Variants in PIK3C2B observed in about 807,000 individuals in gnomAD.
The protein encoded by PIK3C2B is phosphatidylinositol-4-phosphate 3-kinase catalytic subunit type 2 beta, also known as phosphatidylinositol 4-phosphate 3-kinase C2 domain-containing subunit beta.
A neutral mutation model predicts 184.3 loss-of-function variants in PIK3C2B; 83 were observed. The observed-to-expected ratio is 0.45, with a 90% CI of 0.38 to 0.54. PIK3C2B has a LOEUF of 0.54. PIK3C2B is among the 20% of genes least tolerant of loss of function. The pLI, the probability that PIK3C2B is intolerant of heterozygous loss-of-function variation, is 0.00. For synonymous variants in PIK3C2B, 779 were observed against 837.6 expected, an observed-to-expected ratio of 0.93 and a Z score of 1.21; for missense variants, 1,736 against 2,113.5, an observed-to-expected ratio of 0.82 and a Z score of 3.50.
chr1:204,477,316 T>G (rs1422585253), intron 1 of PIK3C2B, among the ~76,000 whole-genome samples: 1 of 152,170 alleles, frequency 6.6e-6, no homozygotes, highest in Admixed American at 6.5e-5. Flanking sequence ...GCAGCCAGGT[T>G]TGACCCCACA....
In PIK3C2B at chr1:204,433,444, A is replaced by G. The variant is rs1447166490; in HGVS notation, c.3844-19T>C. The G allele has an allele frequency of 4.9e-6, 7 of 1,431,658 alleles. No homozygotes were observed. The highest frequency in any genetic ancestry group is 6.9e-6 in the Non-Finnish European group (7 of 1,015,032). The allele number at this position is 1,431,658 out of a possible 1,614,324, so 88.7% of individuals were successfully genotyped here. On this transcript the variant is annotated intron_variant, in intron 25 of 32. Coordinates refer to ENST00000684373, the MANE Select transcript of PIK3C2B (RefSeq NM_001377334.1). The surrounding 1 kb of genome is among the most constrained non-coding windows in gnomAD (Gnocchi z 5.0). ...ACAACATCTAGAAGGAGCAGAAAGAAGAAGAGAGGGTGCCTGTAACAACAG... is the reference window on the plus strand; with the variant it reads ...ACAACATCTAGAAGGAGCAGAAAGAGGAAGAGAGGGTGCCTGTAACAACAG...
Position 204,446,202 on chromosome 1 carries a change from C to T in PIK3C2B, c.2490-58G>A, listed in dbSNP as rs144967051. On this transcript the variant is annotated intron_variant, in intron 15 of 32. Coordinates refer to ENST00000684373, the MANE Select transcript of PIK3C2B (RefSeq NM_001377334.1). ...GAGGGTAGGGGGCAGTGAGAGAGAA[C>T]AGCATCAGCCAGGGGGTGCAGCCCT... The T allele has an allele frequency of 3.8e-3, 4,607 of 1,225,824 alleles. 17 individuals carry two copies. Among genetic ancestry groups the T allele is most frequent in the Middle Eastern group, 7.3e-3 (25 of 3,436 alleles). The allele number at this position is 1,225,824 out of a possible 1,614,324, so 75.9% of individuals were successfully genotyped here.
chr1:204,452,039 G>A (rs1259806888), intron 12 of PIK3C2B, among the ~76,000 whole-genome samples: 1 of 152,178 alleles, frequency 6.6e-6, no homozygotes, highest in Non-Finnish European at 1.5e-5. Flanking sequence ...TCCCCCAAAT[G>A]TCCTGGTCTT....
Position 204,443,446 on chromosome 1 carries a change from C to T in PIK3C2B, c.3019G>A (p.Val1007Ile). The change falls in exon 19 of 33, where the codon GTC becomes ATC. Residue 1007 changes from valine (V) to isoleucine (I), a missense_variant. Transcript: ENST00000684373. ...VNALAKLAQQ[V>I]REAAPSARQG... ...CTTGCAGATGGGGCTGCCTCCCGGA[C>T]CTGCTGGGCCAGTTTGGCCAGGGCA... The T allele has an allele frequency of 6.2e-7, 1 of 1,614,174 alleles. No homozygotes were observed. Among genetic ancestry groups the T allele is most frequent in the South Asian group, 1.1e-5 (1 of 91,088 alleles).
chr1:204,443,599 T>C lies in PIK3C2B; in HGVS notation c.2868-2A>G. On this transcript the variant is annotated splice_acceptor_variant, in intron 18 of 32. Transcript: ENST00000684373. LOFTEE classifies it high-confidence loss of function. The stretch of plus-strand genomic sequence containing the variant: ...TCCTTGAGGCCGTCCTTCAGTAACC[T>C]GCAAGGCAGAGGGAGTCAGGAGTCA... 1 of 1,613,750 alleles carries C rather than the reference T, an allele frequency of 6.2e-7. No individual in the cohort carries two copies.
chr1:204,440,449 T>G (rs2103479521), intron 21 of PIK3C2B, 128 bp from the exon 22 acceptor site: 3 of 923,120 alleles, frequency 3.2e-6, no homozygotes, highest in South Asian at 1.8e-5. Flanking sequence ...ACCCCTGACC[T>G]GCTCACTCAG....
Position 204,428,206 on chromosome 1 carries a change from G to C in PIK3C2B, c.4413C>G (p.Tyr1471Ter). The C allele has an allele frequency of 6.2e-7, 1 of 1,610,396 alleles. No individual in the cohort carries two copies. Among genetic ancestry groups the C allele is most frequent in the South Asian group, 1.1e-5 (1 of 90,878 alleles). ...CCCGGGGCAGTGGGTGGAAGAAGGTGTACACCAAATCACACTGGAACAGAA... is the reference window on the plus strand; with the variant it reads ...CCCGGGGCAGTGGGTGGAAGAAGGTCTACACCAAATCACACTGGAACAGAA... ...PPEVAECDLV[Y>*]TFFHPLPRDE... The change falls in exon 30 of 33, where the codon TAC becomes TAG. Residue 1471 changes from tyrosine (Y) to a stop codon, truncating the protein, a stop_gained. Coordinates refer to ENST00000684373, the MANE Select transcript of PIK3C2B (RefSeq NM_001377334.1). LOFTEE classifies it high-confidence loss of function.
Position 204,425,598 on chromosome 1 carries a change from A to AT in PIK3C2B, c.4716+14dup. ...TTGCCAACCCCTGCCCTACCCCACC[A>AT]TTTTCCCCACCCACCATCTCATTGT... is the stretch of plus-strand genomic sequence containing the variant. On this transcript the variant is annotated intron_variant, in intron 32 of 32. Coordinates refer to ENST00000684373, the MANE Select transcript of PIK3C2B (RefSeq NM_001377334.1). 1 of 1,613,094 alleles carries AT rather than the reference A, an allele frequency of 6.2e-7. No individual in the cohort carries two copies. Among genetic ancestry groups the AT allele is most frequent in the South Asian group, 1.1e-5 (1 of 91,030 alleles).
Position 204,465,232 on chromosome 1 carries a change from G to A in PIK3C2B, c.1021C>T (p.His341Tyr). The change falls in exon 3 of 33, where the codon CAC becomes TAC. Residue 341 changes from histidine (H) to tyrosine (Y), a missense_variant. His to Tyr is a moderately conservative substitution (Grantham distance 83). Transcript: ENST00000684373. ...ERDEEVAAFC[H>Y]MLDILRSGSD... ...TTTAACTCTTACATATCCAGCATGT[G>A]GCAAAATGCAGCAACCTCCTCATCT... The A allele has an allele frequency of 2.6e-6, 4 of 1,544,772 alleles. No homozygotes were observed. Among genetic ancestry groups the A allele is most frequent in the Non-Finnish European group, 3.5e-6 (4 of 1,132,690 alleles).
At chr1:204,465,893 C>T (rs567665133) in intron 2 of PIK3C2B, among the ~76,000 whole-genome samples, 1 of 152,324 alleles carries the variant, frequency 6.6e-6, no homozygotes, top group East Asian at 1.9e-4. Flanking sequence ...AGGAAGAAAG[C>T]GTCAAAGCAG....
intron 23 of PIK3C2B, among the ~76,000 whole-genome samples, chr1:204,436,760 A>C (rs1450465227): frequency 6.6e-6 from 1 of 152,174 alleles, no homozygotes; most frequent in African/African-American, 2.4e-5. Flanking sequence ...ATTGGCAGGG[A>C]GTAATCACAA....
intron 12 of PIK3C2B, among the ~76,000 whole-genome samples, chr1:204,450,308 T>C (rs1468500093): frequency 6.6e-6 from 1 of 152,192 alleles, no homozygotes; most frequent in African/African-American, 2.4e-5. Context: ...AGAACTTGCT[T>C]AGCAGAGCCA....
chr1:204,440,576 C>T (rs145531820), intron 21 of PIK3C2B, among the ~76,000 whole-genome samples: 3 of 148,744 alleles, frequency 2.0e-5, no homozygotes, highest in Non-Finnish European at 4.4e-5. Context: ...CTTCTGCATG[C>T]AGCCCCTCTG....
chr1:204,443,397 G>A lies in PIK3C2B; in HGVS notation c.3048+20C>T. The A allele has an allele frequency of 1.9e-6, 3 of 1,607,300 alleles. No homozygotes were observed. Among genetic ancestry groups the A allele is most frequent in the Non-Finnish European group, 2.6e-6 (3 of 1,174,790 alleles). On this transcript the variant is annotated intron_variant, in intron 19 of 32. Transcript: ENST00000684373. The stretch of plus-strand genomic sequence containing the variant: ...AAGCCCTGGATGAGAAATGGGTAGG[G>A]GCAGCCTCACCCCACTAACCTGCCT...
At chr1:204,439,220 T>C (rs1173525851) in intron 22 of PIK3C2B, 149 bp from the exon 23 acceptor site, 5 of 781,742 alleles carry the variant, frequency 6.4e-6, no homozygotes, top group Non-Finnish European at 9.8e-6. Flanking sequence ...AGAATAACCA[T>C]AGAAAGGAAG....
intron 8 of PIK3C2B, among the ~76,000 whole-genome samples, chr1:204,458,494 ATTTTT>A (rs1158541930): frequency 7.0e-6 from 1 of 142,116 alleles, no homozygotes; most frequent in Non-Finnish European, 1.5e-5. Flanking sequence ...GGCTATGACA[ATTTTT>A]TTTTTTTTTT....
rs1469991277 is a variant in PIK3C2B, at chr1:204,469,329, A to G, written c.474T>C (p.Pro158=). 1 of 1,531,094 alleles carries G rather than the reference A, an allele frequency of 6.5e-7. No homozygotes were observed. The highest frequency in any genetic ancestry group is 2.3e-5 in the East Asian group (1 of 44,268). 94.8% of individuals were successfully genotyped at this position (1,531,094 alleles called of 1,614,324 possible). Residue 158 remains proline, a synonymous_variant, in exon 2 of 33, where the codon CCT becomes CCC. Transcript: ENST00000684373. ...CCCAGATAGAAGCTCGGGGAGGCAG[A>G]GGAGGTGGGGATAGTTTCTTGCAAG... ...EGSCKKLSPP[P]LPPRASIWDT...
intron 20 of PIK3C2B, among the ~76,000 whole-genome samples, chr1:204,442,315 G>A (rs539870912): frequency 3.3e-5 from 5 of 152,174 alleles, no homozygotes; most frequent in Admixed American, 6.5e-5. Context: ...TGTGGGTAGA[G>A]GAGAGACAGG....
intron 30 of PIK3C2B, 52 bp from the exon 31 acceptor site, chr1:204,427,806 T>C (rs1266116194): frequency 7.4e-7 from 1 of 1,348,332 alleles, no homozygotes; most frequent in East Asian, 2.3e-5. Flanking sequence ...CAGGTGTTTC[T>C]GTTTTCTTCC....
Sources: allele counts gnomAD v4.1 joint callset (sites outside exome capture counted in the v4.1 genomes callset), GRCh38; gene constraint gnomAD v4.1.1; non-coding constraint Gnocchi (gnomAD v3.1); transcripts MANE v1.5; gene names NCBI Gene and HGNC (gene_info 2026-07-23, HGNC 2026-07-21).